SIMC1: variants seen among roughly 807,000 people sequenced by gnomAD.
SIMC1 encodes the protein SUMO interacting motifs containing 1.
Under a neutral mutation model 82.3 loss-of-function variants are expected in SIMC1, and 55 were observed. That is an observed-to-expected ratio of 0.67 (90% confidence interval 0.54 to 0.84). SIMC1 has a LOEUF of 0.84. SIMC1 is among the 40% of genes least tolerant of loss of function. The pLI is 0.00. For missense variants in SIMC1, 915 were observed against 1,107.2 expected (o/e 0.83, Z 2.46); for synonymous variants, 353 against 426.3 (o/e 0.83, Z 2.12).
rs1220203164 is a variant in SIMC1, at chr5:176,337,147, G to T, written c.2413+1G>T. 3.1e-6 allele frequency: 5 copies of T among 1,613,360 alleles called. No individual in the cohort carries two copies. Among genetic ancestry groups the T allele is most frequent in the Non-Finnish European group, 4.2e-6 (5 of 1,179,482 alleles). Reference sequence around the variant, plus strand: ...TCCAGTTATCAACATGTTTTAAGAGGTAAGGAGCATTTGTTCACAAGTGGA... The same window carrying T: ...TCCAGTTATCAACATGTTTTAAGAGTTAAGGAGCATTTGTTCACAAGTGGA... On this transcript the variant is annotated splice_donor_variant, in intron 9 of 9. Transcript: ENST00000429602. LOFTEE classifies it high-confidence loss of function.
intron 1 of SIMC1, among the ~76,000 whole-genome samples, chr5:176,275,616 A>T (rs1304996962): frequency 6.6e-6 from 1 of 151,766 alleles, no homozygotes; most frequent in African/African-American, 2.4e-5. Flanking sequence ...GGTTTGTCAT[A>T]GATAGCTCTT....
chr5:176,319,329 A>G (rs530604351), intron 5 of SIMC1, among the ~76,000 whole-genome samples: 228 of 152,200 alleles, frequency 1.5e-3, no homozygotes, highest in Non-Finnish European at 2.3e-3. Context: ...TTATCTTTCT[A>G]ATTTCCAAGA....
chr5:176,324,484 T>TA, intron 6 of SIMC1, 145 bp from the exon 7 acceptor site: 1 of 693,122 alleles, frequency 1.4e-6, no homozygotes, highest in Non-Finnish European at 2.2e-6. Flanking sequence ...ATGGTTTGAG[T>TA]AGTTCTCCCT....
In SIMC1 at chr5:176,343,929, G is replaced by T. The variant is rs553961092; in HGVS notation, c.2414-1254G>T. ...CCACCCTCAGGCTTCCGAGTAGCTG[G>T]GATTACAGGCATGCACCACCATGCC... On this transcript the variant is annotated intron_variant, in intron 9 of 9. Transcript: ENST00000429602. 4.6e-5 allele frequency among the ~76,000 whole-genome samples: 7 copies of T among 152,014 alleles called. No homozygotes were observed. The South Asian group carries it at 1.5e-3, about 32-fold the overall frequency.
At position 176,283,100 on chromosome 5, in the gene SIMC1, T is replaced by G. The variant is rs147032839; in HGVS notation, c.130-6554T>G. The stretch of plus-strand genomic sequence containing the variant: ...ATGGAACCAAGTTGGAAAACACTCT[T>G]CAGGATATCATCCAGTAGAACTTTC... On this transcript the variant is annotated intron_variant, in intron 1 of 9. Transcript: ENST00000429602. Among the ~76,000 whole-genome samples, 1,267 of 152,232 alleles carry G rather than the reference T, an allele frequency of 8.3e-3. 8 individuals carry two copies. Among genetic ancestry groups the G allele is most frequent in the African/African-American group, 9.7e-3 (404 of 41,556 alleles).
intron 5 of SIMC1, among the ~76,000 whole-genome samples, chr5:176,321,850 T>TA (rs1291972851): frequency 1.3e-5 from 2 of 150,588 alleles, no homozygotes; most frequent in African/African-American, 2.4e-5. Context: ...TTTGAATACT[T>TA]ACAATTCAAA....
chr5:176,293,696 C>T (rs1763680162), intron 2 of SIMC1, among the ~76,000 whole-genome samples: 1 of 150,032 alleles, frequency 6.7e-6, no homozygotes, highest in Non-Finnish European at 1.5e-5. Flanking sequence ...TGCAGTGAGC[C>T]ATGATCATGC....
chr5:176,274,698 G>T (rs1193296770), intron 1 of SIMC1, among the ~76,000 whole-genome samples: 3 of 151,786 alleles, frequency 2.0e-5, no homozygotes, highest in Non-Finnish European at 4.4e-5. Context: ...TGTAAGGAAG[G>T]GATCCAGTTT....
chr5:176,242,735 T>C (rs955913172), intron 1 of SIMC1, among the ~76,000 whole-genome samples: 8 of 152,108 alleles, frequency 5.3e-5, no homozygotes, highest in African/African-American at 1.9e-4. Context: ...TGCTGCCTAG[T>C]CACCCCTAGG....
chr5:176,242,966 G>A (rs1318973841), intron 1 of SIMC1, among the ~76,000 whole-genome samples: 1 of 151,914 alleles, frequency 6.6e-6, no homozygotes, highest in Non-Finnish European at 1.5e-5. Context: ...TTTAATCTTT[G>A]CTGTTTGATA....
At chr5:176,258,431 C>A (rs1027705117) in intron 1 of SIMC1, among the ~76,000 whole-genome samples, 26 of 150,546 alleles carry the variant, frequency 1.7e-4, no homozygotes, top group African/African-American at 5.6e-4. Flanking sequence ...TTTTTCAAAC[C>A]TCATACCAGG....
chr5:176,252,264 T>G (rs1294731725), intron 1 of SIMC1, among the ~76,000 whole-genome samples: 1 of 150,724 alleles, frequency 6.6e-6, no homozygotes, highest in African/African-American at 2.4e-5. Flanking sequence ...AGGCGGGGGC[T>G]GACCCCCTCA....
chr5:176,280,165 G>A lies in SIMC1; in HGVS notation c.130-9489G>A, dbSNP rs560248577. ...TTATGAATCTGGGTGCTCCTGTATT[G>A]GGTGTATATATATTTAGGATAGTTA... is the stretch of plus-strand genomic sequence containing the variant. On this transcript the variant is annotated intron_variant, in intron 1 of 9. Coordinates refer to ENST00000429602, the MANE Select transcript of SIMC1 (RefSeq NM_001308195.2). Among the ~76,000 whole-genome samples, 10 of 152,250 alleles carry A rather than the reference G, an allele frequency of 6.6e-5. No individual in the cohort carries two copies. In the South Asian group the frequency reaches 1.7e-3, roughly 25 times the overall value.
At chr5:176,286,565 A>T (rs1763295794) in intron 1 of SIMC1, among the ~76,000 whole-genome samples, 1 of 152,250 alleles carries the variant, frequency 6.6e-6, no homozygotes, top group Non-Finnish European at 1.5e-5. Context: ...ACCATACAGG[A>T]CATAGGCATA....
intron 1 of SIMC1, among the ~76,000 whole-genome samples, chr5:176,279,407 A>T (rs1025556818): frequency 1.3e-5 from 2 of 151,560 alleles, no homozygotes; most frequent in Non-Finnish European, 2.9e-5. Context: ...AATTTTGTTG[A>T]TCGTTTCAAA....
chr5:176,257,737 T>C (rs1375531708), intron 1 of SIMC1, among the ~76,000 whole-genome samples: 1 of 152,222 alleles, frequency 6.6e-6, no homozygotes, highest in Non-Finnish European at 1.5e-5. Flanking sequence ...TGGCTATTTG[T>C]ACCCATTTGT....
At chr5:176,285,606 C>G (rs1262220169) in intron 1 of SIMC1, among the ~76,000 whole-genome samples, 3 of 151,474 alleles carry the variant, frequency 2.0e-5, no homozygotes, top group Non-Finnish European at 4.4e-5. Flanking sequence ...CTCACCACTC[C>G]TATTCAACAT....
rs535514598 is a variant in SIMC1 at position 176,335,522 on chromosome 5, C to T, written c.2172-1198C>T. On this transcript the variant is annotated intron_variant, in intron 7 of 9. Transcript: ENST00000429602. ...CGAACTCCTGAGCTCAGGCAGTCCA[C>T]CCGCCTCGGCCTCCCAAAGTGCTAG... 1.7e-4 allele frequency among the ~76,000 whole-genome samples: 26 copies of T among 151,878 alleles called. No individual in the cohort carries two copies. The South Asian group carries it at 4.2e-3, about 24-fold the overall frequency.
In SIMC1 at chr5:176,322,322, C is replaced by A; in HGVS notation, c.1939C>A (p.Gln647Lys). ...VKAVTEDGLT[Q>K]PPNGNQTSSG... ...AGCAGTAACTGAAGATGGATTGACT[C>A]AGCCCCCAAATGGAAATCAAACGTC... is the stretch of plus-strand genomic sequence containing the variant. Residue 647 changes from glutamine (Q) to lysine (K), a missense_variant, in exon 6 of 10, where the codon CAG becomes AAG. Around this residue, in one of 2 missense-constraint regions of SIMC1, gnomAD observed 902 missense variants for 1,040.3 expected, o/e 0.87. Coordinates refer to ENST00000429602, the MANE Select transcript of SIMC1 (RefSeq NM_001308195.2). 6.3e-7 allele frequency: 1 copy of A among 1,584,990 alleles called. No homozygotes were observed. The highest frequency in any genetic ancestry group is 8.6e-7 in the Non-Finnish European group (1 of 1,165,168).
Sources: gnomAD v4.1 joint callset for allele counts (sites outside exome capture counted in the v4.1 genomes callset) on GRCh38, gnomAD v4.1.1 for gene constraint, gnomAD v4.1.1 regional missense constraint, MANE v1.5 for transcripts, NCBI Gene and HGNC (gene_info 2026-07-23, HGNC 2026-07-21) for gene names.